The following TLK1 variants were observed in gnomAD, a reference collection of about 807,000 sequenced individuals.
TLK1 encodes the protein serine/threonine-protein kinase tousled-like 1.
TLK1 carries 24 observed loss-of-function variants against 105.3 expected under a neutral mutation model. That is an observed-to-expected ratio of 0.23 (90% CI 0.17 to 0.32). TLK1 has a LOEUF of 0.32. Among genes scored for constraint, TLK1 ranks in the 10% least tolerant of loss-of-function variants. The pLI is 1.00. For missense variants in TLK1, 558 were observed against 910.5 expected, an observed-to-expected ratio of 0.61 and a Z score of 4.98; for synonymous variants, 321 against 310.4, an observed-to-expected ratio of 1.03 and a Z score of -0.36.
chr2:171,007,363 C>T (rs1684694415), intron 14 of TLK1, among the ~76,000 whole-genome samples: 1 of 151,922 alleles, frequency 6.6e-6, no homozygotes, highest in African/African-American at 2.4e-5. Context: ...TTAATATGGA[C>T]TTATTCCTCT....
chr2:171,220,307 T>C (rs1211034029), intron 1 of TLK1, among the ~76,000 whole-genome samples: 1 of 152,196 alleles, frequency 6.6e-6, no homozygotes, highest in Non-Finnish European at 1.5e-5. Context: ...GCAGCCAGCC[T>C]TCAAGATGAG....
chr2:171,040,560 CCTT>C (rs1383946417), intron 11 of TLK1, among the ~76,000 whole-genome samples: 1 of 130,004 alleles, frequency 7.7e-6, no homozygotes, highest in African/African-American at 2.8e-5. Flanking sequence ...AAAATATATT[CCTT>C]TTTTGTTTTT....
At chr2:171,200,094 C>A (rs1484945439) in intron 1 of TLK1, among the ~76,000 whole-genome samples, 2 of 152,078 alleles carry the variant, frequency 1.3e-5, no homozygotes, top group African/African-American at 2.4e-5. Context: ...AAATCATAAC[C>A]AATACTATTA....
chr2:171,014,840 T>A lies in TLK1; in HGVS notation c.1334+11A>T. ...ATAATATGAAACTGTGAAATGCAAATAATGACTTACTGTGAATTATCTTCA... is the reference window on the plus strand; with the variant it reads ...ATAATATGAAACTGTGAAATGCAAAAAATGACTTACTGTGAATTATCTTCA... On this transcript the variant is annotated intron_variant, in intron 13 of 20. Transcript: ENST00000431350. 6.3e-7 allele frequency: 1 copy of A among 1,591,424 alleles called. No individual in the cohort carries two copies. The highest frequency in any genetic ancestry group is 8.6e-7 in the Non-Finnish European group (1 of 1,160,420).
intron 1 of TLK1, among the ~76,000 whole-genome samples, chr2:171,227,743 C>T (rs973820379): frequency 1.3e-5 from 2 of 151,888 alleles, no homozygotes; most frequent in African/African-American, 2.4e-5. Context: ...ACCAGAAACA[C>T]AACACAAATA....
chr2:171,193,317 C>T (rs1693191122), intron 1 of TLK1, among the ~76,000 whole-genome samples: 1 of 151,894 alleles, frequency 6.6e-6, no homozygotes, highest in Admixed American at 6.6e-5. Flanking sequence ...TCACCAAAGC[C>T]GTTGTTTCTT....
At chr2:171,059,789 T>C in intron 4 of TLK1, 1 of 660,722 alleles carries the variant, frequency 1.5e-6, no homozygotes, top group Non-Finnish European at 2.8e-6. Context: ...TAGATTCTCA[T>C]AAGGGAGTGC....
chr2:171,163,502 A>G (rs138878954), upstream of TLK1, among the ~76,000 whole-genome samples: 1 of 152,330 alleles, frequency 6.6e-6, no homozygotes, highest in African/African-American at 2.4e-5. Context: ...AAGGAAGTTA[A>G]GAGACCTGAG....
chr2:171,164,682 G>A (rs1296630998), upstream of TLK1, among the ~76,000 whole-genome samples: 1 of 152,188 alleles, frequency 6.6e-6, no homozygotes, highest in African/African-American at 2.4e-5. Context: ...GAAGCATAAA[G>A]AAGGCCTCTG....
At chr2:171,096,839 A>C (rs1689474705) in intron 2 of TLK1, among the ~76,000 whole-genome samples, 1 of 152,206 alleles carries the variant, frequency 6.6e-6, no homozygotes, top group Non-Finnish European at 1.5e-5. Flanking sequence ...ATTGAAGACA[A>C]TACAAATGGA....
chr2:171,058,287 A>G (rs1687595276), intron 4 of TLK1, 90 bp from the exon 5 acceptor site: 2 of 1,171,070 alleles, frequency 1.7e-6, no homozygotes, highest in Non-Finnish European at 2.5e-6. Context: ...TATCAATTTC[A>G]CAAATATGAA....
intron 12 of TLK1, among the ~76,000 whole-genome samples, chr2:171,016,028 A>AGATC (rs1262214521): frequency 2.6e-5 from 4 of 152,078 alleles, no homozygotes; most frequent in Admixed American, 6.5e-5. Flanking sequence ...CAGCAAGCTG[A>AGATC]GATCGTGCCA....
intron 1 of TLK1, among the ~76,000 whole-genome samples, chr2:171,218,189 G>A (rs1693747684): frequency 6.6e-6 from 1 of 152,202 alleles, no homozygotes; most frequent in Non-Finnish European, 1.5e-5. Flanking sequence ...AGAGGCAGAG[G>A]TTGCAGTGAG....
chr2:171,146,670 A>T (rs979707793), intron 1 of TLK1, among the ~76,000 whole-genome samples: 1 of 152,240 alleles, frequency 6.6e-6, no homozygotes, highest in East Asian at 1.9e-4. Context: ...CAATCAAGAC[A>T]TATCAACTGA....
intron 3 of TLK1, chr2:171,081,812 T>C (rs2105476312): frequency 1.3e-6 from 1 of 741,232 alleles, no homozygotes; most frequent in African/African-American, 1.8e-5. Context: ...TAGAGATTTC[T>C]AGATGCTTTC....
rs1477227000 is a variant in TLK1 at position 171,039,863 on chromosome 2, G to GTTACT, written c.1169+6310_1169+6311insAGTAA. On this transcript the variant is annotated intron_variant, in intron 11 of 20. Coordinates refer to ENST00000431350, the MANE Select transcript of TLK1 (RefSeq NM_012290.5). ...AAACAAAAACTGGTCACTACCAACAGACCCCTTTGTAATTTTCCTTTACAA... is the reference window on the plus strand; with the variant it reads ...AAACAAAAACTGGTCACTACCAACAGTTACTACCCCTTTGTAATTTTCCTTTACAA... 3.3e-5 allele frequency among the ~76,000 whole-genome samples: 5 copies of GTTACT among 152,208 alleles called. 1 individual carries two copies. Among genetic ancestry groups the GTTACT allele is most frequent in the Admixed American group, 2.0e-4 (3 of 15,288 alleles).
At chr2:171,129,879 AC>A (rs948350772) in intron 1 of TLK1, among the ~76,000 whole-genome samples, 14 of 151,104 alleles carry the variant, frequency 9.3e-5, no homozygotes, top group African/African-American at 3.4e-4. Context: ...ACATAACATA[AC>A]ATAACATGGG....
At chr2:171,158,284 T>C (rs1205121160) in intron 1 of TLK1, among the ~76,000 whole-genome samples, 1 of 152,196 alleles carries the variant, frequency 6.6e-6, no homozygotes, top group Non-Finnish European at 1.5e-5. Flanking sequence ...GCCTGTCCTA[T>C]GATTTCATGA....
At chr2:171,056,592 A>ATTAT (rs1370308112) in intron 5 of TLK1, 26 bp from the exon 6 acceptor site, 1 of 1,568,782 alleles carries the variant, frequency 6.4e-7, no homozygotes, top group South Asian at 1.1e-5. Flanking sequence ...AGGAAGCATT[A>ATTAT]TTATTTACTA....
Sources: allele counts gnomAD v4.1 joint callset (sites outside exome capture counted in the v4.1 genomes callset), GRCh38; gene constraint gnomAD v4.1.1; transcripts MANE v1.5; gene names NCBI Gene and HGNC (gene_info 2026-07-23, HGNC 2026-07-21).